The following GRID2IP variants were observed in gnomAD, a reference collection of about 807,000 sequenced individuals.
GRID2IP encodes the protein Grid2 interacting protein.
GRID2IP carries 78 observed loss-of-function variants against 114.3 expected under a neutral mutation model. The observed-to-expected ratio is 0.68, with a 90% CI of 0.57 to 0.82. The LOEUF (loss-of-function observed/expected upper bound fraction) is 0.82, where lower values mean the gene tolerates loss of function less well. Ranked by LOEUF, GRID2IP falls within the 40% of genes least tolerant of loss-of-function variation. The pLI is 0.00. For synonymous variants in GRID2IP, 809 were observed against 724.0 expected, an observed-to-expected ratio of 1.12 and a Z score of -1.89; for missense variants, 1,727 against 1,678.5, an observed-to-expected ratio of 1.03 and a Z score of -0.51.
chr7:6,503,833 C>A, intron 15 of GRID2IP, 146 bp from the exon 16 acceptor site: 1 of 584,516 alleles, frequency 1.7e-6, no homozygotes, highest in Non-Finnish European at 2.8e-6. Flanking sequence ...GCTGGAAGGA[C>A]AAGAAACGCG....
At position 6,510,606 on chromosome 7, in the gene GRID2IP, C is replaced by A; in HGVS notation, c.1653+3G>T. 6.5e-7 allele frequency: 1 copy of A among 1,531,920 alleles called. No individual in the cohort carries two copies. Among genetic ancestry groups the A allele is most frequent in the Non-Finnish European group, 8.8e-7 (1 of 1,139,078 alleles). 94.9% of individuals were successfully genotyped at this position (1,531,920 alleles called of 1,614,324 possible). On this transcript the variant is annotated splice_donor_region_variant and intron_variant, in intron 10 of 21. Coordinates refer to ENST00000457091, the MANE Select transcript of GRID2IP (RefSeq NM_001145118.2). ...CCCACGTGGAGGGCAGAGAAGGTCTCACCATCTTGGGGTTGGGGGTCTCAG... is the reference window on the plus strand; with the variant it reads ...CCCACGTGGAGGGCAGAGAAGGTCTAACCATCTTGGGGTTGGGGGTCTCAG...
Position 6,526,252 on chromosome 7 carries a change from C to T in GRID2IP, c.891G>A (p.Gly297=). 1.3e-6 allele frequency: 2 copies of T among 1,551,950 alleles called. No individual in the cohort carries two copies. Among genetic ancestry groups the T allele is most frequent in the Non-Finnish European group, 8.7e-7 (1 of 1,147,044 alleles). ...KSFGFTLRGH[G]PVWIESVLPG... Reference sequence around the variant, plus strand: ...GCAGGACAGACTCGATCCAGACAGGCCCGTGGCCGCGAAGTGTGAAGCCGA... The same window carrying T: ...GCAGGACAGACTCGATCCAGACAGGTCCGTGGCCGCGAAGTGTGAAGCCGA... Residue 297 remains glycine (G), a synonymous_variant, in exon 4 of 22, where the codon GGG becomes GGA. Transcript: ENST00000457091. The surrounding 1 kb of genome is among the most constrained non-coding windows in gnomAD (Gnocchi z 7.6).
chr7:6,510,559 C>T (rs1025281324), intron 10 of GRID2IP, 50 bp downstream of exon 10: 1 of 1,418,638 alleles, frequency 7.0e-7, no homozygotes, highest in Admixed American at 2.6e-5. Context: ...TATGGACCGT[C>T]CATTCCCTGC....
At position 6,503,091 on chromosome 7, in the gene GRID2IP, C is replaced by T; in HGVS notation, c.2980G>A (p.Glu994Lys). ...HFQATLQEKT[E>K]EIRGSLECLR... The stretch of plus-strand genomic sequence containing the variant: ...CATTCAAGGCTGCCTCGGATCTCCT[C>T]TGTCTTCTCCTGGAGGGTGGCCTGG... The change falls in exon 17 of 22, where the codon GAG (glutamate) becomes AAG (lysine). Residue 994 changes from glutamate to lysine, a missense_variant. Glu to Lys is a moderately conservative substitution (Grantham distance 56, BLOSUM62 1). Transcript: ENST00000457091. 1 of 1,551,318 alleles carries T rather than the reference C, an allele frequency of 6.4e-7. No individual in the cohort carries two copies. The highest frequency in any genetic ancestry group is 1.4e-5 in the African/African-American group (1 of 73,178).
Position 6,520,662 on chromosome 7 carries a change from G to A in GRID2IP, c.1184C>T (p.Thr395Ile). Residue 395 changes from threonine (T) to isoleucine (I), a missense_variant, in exon 7 of 22, where the codon ACC (threonine) becomes ATC (isoleucine). By Grantham distance (89) the Thr-to-Ile change is moderately conservative. Transcript: ENST00000457091. The surrounding 1 kb of genome is among the most constrained non-coding windows in gnomAD (Gnocchi z 4.6). ...LPSSIRVQGR[T>I]FSQQLEHLLT... is the part of the protein sequence containing the mutation. ...TAGGTGCTCCAGCTGCTGGCTGAAG[G>A]TCCTCCCTTGGACCCGGATGCTGGA... is the stretch of plus-strand genomic sequence containing the variant. The A allele has an allele frequency of 6.4e-7, 1 of 1,551,724 alleles. No homozygotes were observed. The highest frequency in any genetic ancestry group is 8.7e-7 in the Non-Finnish European group (1 of 1,146,992).
Position 6,508,604 on chromosome 7 carries a change from A to G in GRID2IP, c.2128-203T>C. Among the ~76,000 whole-genome samples, 1 of 145,440 alleles carries G rather than the reference A, an allele frequency of 6.9e-6. No homozygotes were observed. The highest frequency in any genetic ancestry group is 1.6e-5 in the Non-Finnish European group (1 of 63,648). On this transcript the variant is annotated intron_variant, in intron 12 of 21. Transcript: ENST00000457091. The surrounding 1 kb of genome is among the most constrained non-coding windows in gnomAD (Gnocchi z 5.6). The stretch of plus-strand genomic sequence containing the variant: ...GGCTGTGAGGGGGATAGCCTGGGCT[A>G]AGGATAGGACCCTCTCATGGGTAAG...
Position 6,528,768 on chromosome 7 carries a change from G to A in GRID2IP, c.585-1999C>T, listed in dbSNP as rs1421460179. ...TTCTCAGGGAGGAGGCTCTGTCCCCGCAGTGAGCTCCGCTCCAGGTCTCGA... is the reference window on the plus strand; with the variant it reads ...TTCTCAGGGAGGAGGCTCTGTCCCCACAGTGAGCTCCGCTCCAGGTCTCGA... On this transcript the variant is annotated intron_variant, in intron 2 of 21. Transcript: ENST00000457091. This position sits in a 1 kb window ranked among gnomAD's most constrained non-coding sequence, Gnocchi z 6.0. Among the ~76,000 whole-genome samples the A allele has an allele frequency of 2.0e-5, 3 of 151,960 alleles. No individual in the cohort carries two copies. Among genetic ancestry groups the A allele is most frequent in the East Asian group, 1.9e-4 (1 of 5,172 alleles).
In GRID2IP at chr7:6,521,969, A is replaced by C. The variant is rs1210892604; in HGVS notation, c.920-12T>G. 1.3e-6 allele frequency: 2 copies of C among 1,549,962 alleles called. No homozygotes were observed. Among genetic ancestry groups the C allele is most frequent in the East Asian group, 4.9e-5 (2 of 40,874 alleles). On this transcript the variant is annotated splice_polypyrimidine_tract_variant and intron_variant, in intron 4 of 21. Coordinates refer to ENST00000457091, the MANE Select transcript of GRID2IP (RefSeq NM_001145118.2). This position sits in a 1 kb window ranked among gnomAD's most constrained non-coding sequence, Gnocchi z 4.1. ...GTCAGCTGGGCTCCCTGGAAGCAAG[A>C]AGAGAGGGTGTGCCGGTCAGCTGGG...
chr7:6,541,615 G>A (rs1023152141), intron 1 of GRID2IP, among the ~76,000 whole-genome samples: 39 of 152,228 alleles, frequency 2.6e-4, no homozygotes, highest in Non-Finnish European at 1.0e-4. Context: ...AAATGATCAC[G>A]TTGGAAAGGA....
chr7:6,500,774 A>G (rs1197074067), intron 20 of GRID2IP, among the ~76,000 whole-genome samples: 1 of 152,172 alleles, frequency 6.6e-6, no homozygotes, highest in Admixed American at 6.5e-5. Flanking sequence ...GGGGTGTTGG[A>G]GCCAGAGAGG....
At chr7:6,544,908 C>T (rs1351951743) in intron 1 of GRID2IP, among the ~76,000 whole-genome samples, 1 of 151,870 alleles carries the variant, frequency 6.6e-6, no homozygotes, top group African/African-American at 2.4e-5. Context: ...GGTGAAACCC[C>T]GTCTCTACTA....
Position 6,520,575 on chromosome 7 carries a change from C to A in GRID2IP, c.1268+3G>T, listed in dbSNP as rs550968845. On this transcript the variant is annotated splice_donor_region_variant and intron_variant, in intron 7 of 21. Transcript: ENST00000457091. This position sits in a 1 kb window ranked among gnomAD's most constrained non-coding sequence, Gnocchi z 4.6. ...GGCCCCACCGCGGCTTTGGCCCGGC[C>A]ACCTGTGCTGGAAGAAGCTCTCGAG... 148 of 1,549,310 alleles carry A rather than the reference C, an allele frequency of 9.6e-5. No individual in the cohort carries two copies. Among genetic ancestry groups the A allele is most frequent in the Non-Finnish European group, 1.2e-4 (143 of 1,145,382 alleles).
chr7:6,536,337 C>T lies in GRID2IP; in HGVS notation c.584+3381G>A, dbSNP rs1779721794. Among the ~76,000 whole-genome samples, 1 of 152,348 alleles carries T rather than the reference C, an allele frequency of 6.6e-6. No individual in the cohort carries two copies. On this transcript the variant is annotated intron_variant, in intron 2 of 21. Transcript: ENST00000457091. The surrounding 1 kb of genome is among the most constrained non-coding windows in gnomAD (Gnocchi z 5.3). ...CAGCAGAGGCTGCCGTTTCAAGCTGCGGGGACTGGGCATCCCCAGGTGTCC... is the reference window on the plus strand; with the variant it reads ...CAGCAGAGGCTGCCGTTTCAAGCTGTGGGGACTGGGCATCCCCAGGTGTCC...
Position 6,498,159 on chromosome 7 carries a change from G to T in GRID2IP, c.3469C>A (p.Leu1157Met). The stretch of plus-strand genomic sequence containing the variant: ...CCAAAGAAGGCCAGCGCCTTGCCCA[G>T]CTCCTCCATGGCCTCGCGCTGCAGC... Reference protein sequence around the residue: ...DGLQREAMEELGKALAFFGED... With the variant: ...DGLQREAMEEMGKALAFFGED... The change falls in exon 21 of 22, where the codon CTG (leucine) becomes ATG (methionine). Residue 1157 changes from leucine (L) to methionine (M), a missense_variant. Transcript: ENST00000457091. 6.4e-7 allele frequency: 1 copy of T among 1,551,502 alleles called. No individual in the cohort carries two copies. The highest frequency in any genetic ancestry group is 8.7e-7 in the Non-Finnish European group (1 of 1,146,910).
chr7:6,503,537 CG>C lies in GRID2IP; in HGVS notation c.2860del (p.Arg954AlafsTer95). The C allele has an allele frequency of 6.5e-7, 1 of 1,526,846 alleles. No individual in the cohort carries two copies. Among genetic ancestry groups the C allele is most frequent in the Non-Finnish European group, 8.7e-7 (1 of 1,143,466 alleles). 94.6% of individuals were successfully genotyped at this position (1,526,846 alleles called of 1,614,324 possible). A position where few individuals can be genotyped will look rare whatever the true frequency, so the allele number is the denominator to read the frequency against. ...ADEEQRYQAFREAPGRLSEPD... is the reference protein window; with the variant it reads ...ADEEQRYQAFXEAPGRLSEPD... ...CTCGCTGAGGCGGCCGGGCGCCTCGCGGAAGGCCTGGTAGCGCTGCTCCTCG... is the reference window on the plus strand; with the variant it reads ...CTCGCTGAGGCGGCCGGGCGCCTCGCGAAGGCCTGGTAGCGCTGCTCCTCG... On this transcript the variant is annotated frameshift_variant, in exon 16 of 22. Coordinates refer to ENST00000457091, the MANE Select transcript of GRID2IP (RefSeq NM_001145118.2). LOFTEE classifies it high-confidence loss of function.
At chr7:6,545,688 T>C (rs539345298) in intron 1 of GRID2IP, among the ~76,000 whole-genome samples, 149 of 152,332 alleles carry the variant, frequency 9.8e-4, no homozygotes, top group African/African-American at 3.3e-3. Flanking sequence ...GGTCTCATGC[T>C]TGTCCAGCCC....
At position 6,510,941 on chromosome 7, in the gene GRID2IP, G is replaced by A. The variant is rs749741082; in HGVS notation, c.1522C>T (p.Arg508Trp). 8.4e-6 allele frequency: 13 copies of A among 1,549,096 alleles called. No homozygotes were observed. Among genetic ancestry groups the A allele is most frequent in the Admixed American group, 2.0e-5 (1 of 50,768 alleles). ...AGGCCGGCCTCCAGGCCCTGGGACC[G>A]GAGGCTGCGGCGGCACATGGAGGAA... is the stretch of plus-strand genomic sequence containing the variant. The part of the protein sequence containing the change: ...RASSMCRRSL[R>W]SQGLEAGLSC... The change falls in exon 9 of 22, where the codon CGG (arginine) becomes TGG (tryptophan). Residue 508 changes from arginine to tryptophan, a missense_variant. Arg to Trp is a moderately radical substitution (Grantham distance 101). Transcript: ENST00000457091.
Position 6,520,545 on chromosome 7 carries a change from G to T in GRID2IP, c.1268+33C>A, listed in dbSNP as rs1233608062. 13 of 1,542,706 alleles carry T rather than the reference G, an allele frequency of 8.4e-6. No individual in the cohort carries two copies. Among genetic ancestry groups the T allele is most frequent in the Non-Finnish European group, 1.1e-5 (13 of 1,141,380 alleles). ...TAGGCAGGACTTAGGGCCCACCCAG[G>T]GCAGGGCCCCACCGCGGCTTTGGCC... is the stretch of plus-strand genomic sequence containing the variant. On this transcript the variant is annotated intron_variant, in intron 7 of 21. Transcript: ENST00000457091. The surrounding 1 kb of genome is among the most constrained non-coding windows in gnomAD (Gnocchi z 4.6).
chr7:6,536,426 G>A lies in GRID2IP; in HGVS notation c.584+3292C>T, dbSNP rs549423616. ...AAGGGGGTTCCCCCTCCCGCGCCCT[G>A]CCCGACCCGCTGCCGCAGCTGCCGG... On this transcript the variant is annotated intron_variant, in intron 2 of 21. Transcript: ENST00000457091. The surrounding 1 kb of genome is among the most constrained non-coding windows in gnomAD (Gnocchi z 5.3). 6.6e-6 allele frequency among the ~76,000 whole-genome samples: 1 copy of A among 152,352 alleles called. No individual in the cohort carries two copies. Among genetic ancestry groups the A allele is most frequent in the Non-Finnish European group, 1.5e-5 (1 of 68,020 alleles).
Sources: allele counts gnomAD v4.1 joint callset (sites outside exome capture counted in the v4.1 genomes callset), GRCh38; gene constraint gnomAD v4.1.1; non-coding constraint Gnocchi (gnomAD v3.1); transcripts MANE v1.5; gene names NCBI Gene and HGNC (gene_info 2026-07-23, HGNC 2026-07-21).